RNF152: variants seen among roughly 807,000 people sequenced by gnomAD.
The protein encoded by RNF152 is E3 ubiquitin-protein ligase RNF152.
Under a neutral mutation model 12.7 loss-of-function variants are expected in RNF152, and 11 were observed. The observed-to-expected ratio is 0.86, with a 90% CI of 0.54 to 1.43. RNF152 has a LOEUF of 1.43. Ranked by LOEUF, RNF152 falls within the 40% of genes most tolerant of loss-of-function variation. The probability of loss-of-function intolerance (pLI) is 0.00; values close to 1 mark genes in which losing one functional copy is unlikely to be tolerated. For missense variants in RNF152, 255 were observed against 274.8 expected, an observed-to-expected ratio of 0.93 and a Z score of 0.51; for synonymous variants, 113 against 120.3, an observed-to-expected ratio of 0.94 and a Z score of 0.40.
At chr18:61,860,902 A>T (rs1422895601) in intron 1 of RNF152, among the ~76,000 whole-genome samples, 1 of 152,248 alleles carries the variant, frequency 6.6e-6, no homozygotes, top group Non-Finnish European at 1.5e-5. Flanking sequence ...TTTAACAAAA[A>T]ATGTTTAAAA....
chr18:61,889,539 AG>A (rs1369102917), intron 1 of RNF152, among the ~76,000 whole-genome samples: 2 of 152,198 alleles, frequency 1.3e-5, no homozygotes, highest in Admixed American at 1.3e-4. Context: ...GAGTGAGGCA[AG>A]GAAGGCTTTA....
intron 1 of RNF152, among the ~76,000 whole-genome samples, chr18:61,825,344 G>A (rs1040351755): frequency 5.9e-5 from 9 of 152,298 alleles, no homozygotes; most frequent in Admixed American, 4.6e-4. Flanking sequence ...TATATATAGG[G>A]ATTAAACAGA....
intron 1 of RNF152, among the ~76,000 whole-genome samples, chr18:61,877,207 T>C (rs1912252127): frequency 6.6e-6 from 1 of 152,246 alleles, no homozygotes; most frequent in Non-Finnish European, 1.5e-5. Context: ...TTACGTATTT[T>C]GGTCAGGGGT....
At chr18:61,829,074 G>T (rs1909808984) in intron 1 of RNF152, among the ~76,000 whole-genome samples, 1 of 152,144 alleles carries the variant, frequency 6.6e-6, no homozygotes, top group Non-Finnish European at 1.5e-5. Flanking sequence ...GTGGTTACGG[G>T]TAGGGACCAG....
chr18:61,846,794 A>T (rs75619180), intron 1 of RNF152, among the ~76,000 whole-genome samples: 3,711 of 152,280 alleles, frequency 0.024, 57 homozygotes, highest in Non-Finnish European at 0.035. Flanking sequence ...AAAGCCAGAC[A>T]ATGCAATGCA....
chr18:61,845,104 C>A (rs750461106), intron 1 of RNF152, among the ~76,000 whole-genome samples: 1 of 152,132 alleles, frequency 6.6e-6, no homozygotes, highest in African/African-American at 2.4e-5. Context: ...TTTGTTTTCA[C>A]AGACAGGATC....
At position 61,815,530 on chromosome 18, in the gene RNF152, T is replaced by A. The variant is rs1378721416; in HGVS notation, c.*322A>T. 4 of 292,936 alleles carry A rather than the reference T, an allele frequency of 1.4e-5. No individual in the cohort carries two copies. The highest frequency in any genetic ancestry group is 1.5e-4 in the East Asian group (2 of 13,298). The allele number at this position is 292,936 out of a possible 1,614,324, so 18.1% of individuals were successfully genotyped here. The stretch of plus-strand genomic sequence containing the variant: ...TCACATTGTACGCACTTGTACAGTT[T>A]AACGTCTAAGTAGAATATGTCTATC... On this transcript the variant is annotated 3_prime_UTR_variant, in exon 2 of 2. Coordinates refer to ENST00000312828, the MANE Select transcript of RNF152 (RefSeq NM_173557.3).
At chr18:61,859,694 C>G (rs903208487) in intron 1 of RNF152, among the ~76,000 whole-genome samples, 2 of 152,182 alleles carry the variant, frequency 1.3e-5, no homozygotes, top group Non-Finnish European at 2.9e-5. Flanking sequence ...GACTGGCCAA[C>G]ATGGCGAAAT....
intron 1 of RNF152, among the ~76,000 whole-genome samples, chr18:61,876,286 G>A (rs559469176): frequency 3.9e-5 from 6 of 152,184 alleles, no homozygotes; most frequent in South Asian, 2.1e-4. Context: ...CCCTTTGTAC[G>A]CATGTTCTTA....
At position 61,816,197 on chromosome 18, in the gene RNF152, C is replaced by G. The variant is rs754437225; in HGVS notation, c.267G>C (p.Pro89=). The G allele has an allele frequency of 6.2e-7, 1 of 1,614,216 alleles. No homozygotes were observed. The highest frequency in any genetic ancestry group is 1.1e-5 in the South Asian group (1 of 91,078). ...IAIPHTSEHT[P]VFIKLPSNGC... is the part of the protein sequence containing the mutation. ...CATTGCTGGGAAGTTTGATGAAGAC[C>G]GGGGTGTGTTCGGAAGTGTGTGGAA... The change falls in exon 2 of 2, where the codon CCG becomes CCC. Residue 89 remains proline, a synonymous_variant. Transcript: ENST00000312828.
intron 1 of RNF152, among the ~76,000 whole-genome samples, chr18:61,823,105 A>C (rs548339829): frequency 6.6e-6 from 1 of 152,356 alleles, no homozygotes; most frequent in South Asian, 2.1e-4. Context: ...CTTCCAGGAC[A>C]CAACTGCTGC....
At chr18:61,878,245 T>C (rs1912302750) in intron 1 of RNF152, among the ~76,000 whole-genome samples, 1 of 152,176 alleles carries the variant, frequency 6.6e-6, no homozygotes, top group African/African-American at 2.4e-5. Flanking sequence ...ACATCTTTGA[T>C]TGAACTGGGA....
intron 1 of RNF152, among the ~76,000 whole-genome samples, chr18:61,835,317 T>G (rs917726239): frequency 5.3e-5 from 8 of 152,230 alleles, no homozygotes; most frequent in African/African-American, 1.9e-4. Context: ...TGGAGTGGTA[T>G]GTGTTTGTAA....
At chr18:61,831,070 A>C (rs1659559136) in intron 1 of RNF152, among the ~76,000 whole-genome samples, 1 of 152,246 alleles carries the variant, frequency 6.6e-6, no homozygotes, top group Admixed American at 6.5e-5. Flanking sequence ...GAAAGAAACA[A>C]AGGATGTGGA....
intron 1 of RNF152, among the ~76,000 whole-genome samples, chr18:61,831,868 A>T (rs1022764872): frequency 4.6e-4 from 70 of 152,292 alleles, no homozygotes; most frequent in African/African-American, 1.6e-3. Context: ...ATTTTAAAAA[A>T]TTATGTAACC....
intron 1 of RNF152, among the ~76,000 whole-genome samples, chr18:61,848,329 T>G (rs1369976365): frequency 6.6e-6 from 1 of 152,202 alleles, no homozygotes; most frequent in Non-Finnish European, 1.5e-5. Flanking sequence ...CTTCCACAAT[T>G]TTTCTAACCA....
chr18:61,893,818 G>C (rs1239088215), upstream of RNF152: 3 of 152,064 alleles, frequency 2.0e-5, no homozygotes, highest in East Asian at 5.9e-4. Flanking sequence ...GAGCTCCAGG[G>C]GGCATCCGAG....
intron 1 of RNF152, among the ~76,000 whole-genome samples, chr18:61,881,300 C>G (rs764634130): frequency 6.6e-6 from 1 of 152,066 alleles, no homozygotes; most frequent in Non-Finnish European, 1.5e-5. Context: ...TTATAGCGAA[C>G]GACACCAGTC....
At chr18:61,818,155 G>T (rs1399772399) in intron 1 of RNF152, among the ~76,000 whole-genome samples, 1 of 152,202 alleles carries the variant, frequency 6.6e-6, no homozygotes, top group African/African-American at 2.4e-5. Context: ...CGGCGTGGGG[G>T]CTCACACCTG....
Sources: allele counts gnomAD v4.1 joint callset (sites outside exome capture counted in the v4.1 genomes callset), GRCh38; gene constraint gnomAD v4.1.1; transcripts MANE v1.5; gene names NCBI Gene and HGNC (gene_info 2026-07-23, HGNC 2026-07-21).